The following DNAH3 variants were observed in gnomAD, a reference collection of about 807,000 sequenced individuals.
DNAH3 encodes the protein axonemal beta dynein heavy chain 3.
A neutral mutation model predicts 432.5 loss-of-function variants in DNAH3; 332 were observed. The observed-to-expected ratio is 0.77, with a 90% CI of 0.70 to 0.84. DNAH3 has a LOEUF of 0.84. DNAH3 is among the 40% of genes least tolerant of loss of function. The pLI is 0.00. For synonymous variants in DNAH3, 1,956 were observed against 1,900.2 expected (o/e 1.03, Z -0.76); for missense variants, 4,861 against 5,114.0 (o/e 0.95, Z 1.51).
chr16:21,030,813 G>C (rs2088831314), intron 37 of DNAH3, among the ~76,000 whole-genome samples: 1 of 152,190 alleles, frequency 6.6e-6, no homozygotes, highest in Non-Finnish European at 1.5e-5. Flanking sequence ...CAGCACTAAG[G>C]CTCACTATTC....
chr16:21,111,767 G>A, exon 14 of DNAH3: 1 of 1,613,872 alleles, frequency 6.2e-7, no homozygotes, highest in Non-Finnish European at 8.5e-7. Context: ...GTTCATGGAT[G>A]CAATTTCATT....
At position 20,985,827 on chromosome 16, in the gene DNAH3, C is replaced by T; in HGVS notation, c.7027-112G>A. 3 of 1,052,568 alleles carry T rather than the reference C, an allele frequency of 2.9e-6. No individual in the cohort carries two copies. In the South Asian group the frequency reaches 4.6e-5, roughly 16 times the overall value. The allele number at this position is 1,052,568 out of a possible 1,614,324, so 65.2% of individuals were successfully genotyped here. On this transcript the variant is annotated intron_variant, in intron 47 of 61. Transcript: ENST00000261383. ...CGTGGCTTATTTCCTCTGAGCACAT[C>T]CTTCAAGGTCATGGGTCATCAGTTT...
intron 31 of DNAH3, among the ~76,000 whole-genome samples, chr16:21,046,036 G>C (rs1597230943): frequency 6.6e-6 from 1 of 152,004 alleles, no homozygotes; most frequent in Non-Finnish European, 1.5e-5. Flanking sequence ...TGTGGTCTGA[G>C]AGATAGTTTG....
chr16:20,936,914 C>CCCTTTAA lies in DNAH3; in HGVS notation c.11655-62_11655-61insTTAAAGG, dbSNP rs2083613002. 7.4e-6 allele frequency: 10 copies of CCCTTTAA among 1,353,414 alleles called. No homozygotes were observed. In the South Asian group the frequency reaches 1.3e-4, roughly 17 times the overall value. 83.8% of individuals were successfully genotyped at this position (1,353,414 alleles called of 1,614,324 possible). A position where few individuals can be genotyped will look rare whatever the true frequency, so the allele number is the denominator to read the frequency against. On this transcript the variant is annotated intron_variant, in intron 59 of 61. Transcript: ENST00000261383. ...CCGGTGGCCACATTCTACCCAAGTC[C>CCCTTTAA]ACTGACTGCTGTCCCCTTTAAAATG...
intron 58 of DNAH3, 104 bp downstream of exon 58, chr16:20,944,392 G>A: frequency 7.3e-7 from 1 of 1,365,820 alleles, no homozygotes; most frequent in South Asian, 1.3e-5. Context: ...GAGGCTGCCA[G>A]GCCCCCACTC....
exon 5 of DNAH3, chr16:21,140,651 G>T (rs755483554): frequency 2.5e-6 from 4 of 1,614,010 alleles, no homozygotes; most frequent in Non-Finnish European, 3.4e-6. Flanking sequence ...GAACGTCAAA[G>T]ATGTCTTTAC....
At chr16:21,019,394 A>C (rs1287015660) in intron 41 of DNAH3, 5 of 554,374 alleles carry the variant, frequency 9.0e-6, no homozygotes, top group Non-Finnish European at 1.6e-5. Flanking sequence ...TGCTGACCTC[A>C]AGTGATCTGC....
chr16:20,946,322 C>G (rs187819033), intron 57 of DNAH3, among the ~76,000 whole-genome samples: 4 of 152,308 alleles, frequency 2.6e-5, no homozygotes, highest in African/African-American at 7.2e-5. Flanking sequence ...ACGTTTAAAT[C>G]TACCTATAAC....
chr16:21,019,248 C>T (rs1273253850), intron 41 of DNAH3: 2 of 227,750 alleles, frequency 8.8e-6, no homozygotes, highest in Non-Finnish European at 1.7e-5. Flanking sequence ...CCTCTACCTC[C>T]CGGACTCAAG....
Position 20,944,543 on chromosome 16 carries a change from G to GGACC in DNAH3, c.11460_11463dup (p.Leu3822GlyfsTer7). ...CCTGACTGTCTAGGGAGGGTCAGCAGGACCCCCTCAAACAGCTGGTTGGTT... is the reference window on the plus strand; with the variant it reads ...CCTGACTGTCTAGGGAGGGTCAGCAGGACCGACCCCCTCAAACAGCTGGTTGGTT... On this transcript the variant is annotated frameshift_variant, in exon 58 of 62. Transcript: ENST00000261383. LOFTEE classifies it high-confidence loss of function. The GGACC allele has an allele frequency of 1.2e-6, 2 of 1,614,178 alleles. No homozygotes were observed. Among genetic ancestry groups the GGACC allele is most frequent in the Non-Finnish European group, 1.7e-6 (2 of 1,180,040 alleles).
chr16:21,004,461 G>A (rs61456569), intron 41 of DNAH3, among the ~76,000 whole-genome samples: 3,936 of 151,930 alleles, frequency 0.026, 188 homozygotes, highest in African/African-American at 0.09. Flanking sequence ...TCCGCCTCCC[G>A]AGTTCAAGCA....
chr16:21,140,773 C>G (rs2092708615), intron 4 of DNAH3, 63 bp from the exon 6 acceptor site: 1 of 1,491,312 alleles, frequency 6.7e-7, no homozygotes, highest in Admixed American at 1.8e-5. Context: ...TGTGGTGTTG[C>G]CTACTTTCCC....
At chr16:21,136,622 C>T (rs547156271) in intron 5 of DNAH3, 109 bp from the exon 7 acceptor site, 1 of 994,156 alleles carries the variant, frequency 1.0e-6, no homozygotes, top group Middle Eastern at 2.1e-4. Context: ...TTCGTCTGCA[C>T]CCTTCACTTG....
rs755833257 is a variant in DNAH3 at position 20,959,418 on chromosome 16, G to C, written c.10601-14C>G. On this transcript the variant is annotated splice_polypyrimidine_tract_variant and intron_variant, in intron 53 of 61. Transcript: ENST00000261383. ...ACTTCAGCAGGCCTGAGACCAGGAAGAAAGGAGGCTTTTGAAAGACGACAG... is the reference window on the plus strand; with the variant it reads ...ACTTCAGCAGGCCTGAGACCAGGAACAAAGGAGGCTTTTGAAAGACGACAG... 3.7e-6 allele frequency: 6 copies of C among 1,605,922 alleles called. No homozygotes were observed. The highest frequency in any genetic ancestry group is 5.1e-6 in the Non-Finnish European group (6 of 1,173,248).
intron 27 of DNAH3, among the ~76,000 whole-genome samples, chr16:21,055,749 T>TTA (rs1439429034): frequency 1.3e-5 from 2 of 148,800 alleles, no homozygotes; most frequent in African/African-American, 5.1e-5. Context: ...ATGCAGATTT[T>TTA]TTTTTTTTTT....
At chr16:21,067,511 G>T (rs2090597570) in intron 23 of DNAH3, 92 bp from the exon 24 acceptor site, 1 of 1,396,428 alleles carries the variant, frequency 7.2e-7, no homozygotes, top group Non-Finnish European at 1.0e-6. Context: ...TCAACTGACA[G>T]CACTCCTTGT....
At chr16:21,022,566 T>C (rs1338875633) in intron 39 of DNAH3, among the ~76,000 whole-genome samples, 1 of 152,134 alleles carries the variant, frequency 6.6e-6, no homozygotes, top group East Asian at 1.9e-4. Context: ...TTTTCAGTAA[T>C]TTACCACACG....
chr16:21,117,298 C>A (rs769394903), exon 12 of DNAH3: 71 of 1,609,876 alleles, frequency 4.4e-5, no homozygotes, highest in Non-Finnish European at 4.2e-5. Flanking sequence ...TTCCAAGGAG[C>A]AGATTATATC....
chr16:21,011,602 C>T (rs1170706273), intron 41 of DNAH3, among the ~76,000 whole-genome samples: 1 of 152,092 alleles, frequency 6.6e-6, no homozygotes, highest in Non-Finnish European at 1.5e-5. Flanking sequence ...CTCAAGAAAT[C>T]CACCTGCCTC....
Sources: allele counts gnomAD v4.1 joint callset (sites outside exome capture counted in the v4.1 genomes callset), GRCh38; gene constraint gnomAD v4.1.1; transcripts MANE v1.5; gene names NCBI Gene and HGNC (gene_info 2026-07-23, HGNC 2026-07-21).